CNTNAP2: variants seen among roughly 807,000 people sequenced by gnomAD.
CNTNAP2 encodes the protein contactin associated protein 2.
Under a neutral mutation model 155.2 loss-of-function variants are expected in CNTNAP2, and 98 were observed. That is an observed-to-expected ratio of 0.63 (90% CI 0.54 to 0.75). CNTNAP2 has a LOEUF of 0.75. CNTNAP2 is among the 30% of genes least tolerant of loss of function. The pLI is 0.00. For missense variants in CNTNAP2, 1,727 were observed against 1,688.1 expected (o/e 1.02, Z -0.40); for synonymous variants, 651 against 631.2 (o/e 1.03, Z -0.47).
chr7:146,600,225 G>T (rs1798929624), intron 1 of CNTNAP2, among the ~76,000 whole-genome samples: 1 of 152,064 alleles, frequency 6.6e-6, no homozygotes, highest in Non-Finnish European at 1.5e-5. Flanking sequence ...ACCTGGCTGT[G>T]CTAAGTAGCA....
chr7:146,832,405 C>T (rs1803530333), intron 2 of CNTNAP2, among the ~76,000 whole-genome samples: 1 of 150,924 alleles, frequency 6.6e-6, no homozygotes, highest in Non-Finnish European at 1.5e-5. Flanking sequence ...AATTTATCCC[C>T]AATATCTTTT....
At chr7:147,579,556 G>C (rs527960549) in intron 12 of CNTNAP2, among the ~76,000 whole-genome samples, 82 of 152,246 alleles carry the variant, frequency 5.4e-4, no homozygotes, top group African/African-American at 1.6e-3. Context: ...GCCAATTTCT[G>C]ATAGATAGTT....
At chr7:147,502,741 G>GTATATATATATATATATA (rs71183011) in intron 11 of CNTNAP2, among the ~76,000 whole-genome samples, 3 of 99,956 alleles carry the variant, frequency 3.0e-5, no homozygotes, top group Non-Finnish European at 6.1e-5. Flanking sequence ...GTGTGTGTGT[G>GTATATATATATATATATA]TATATATATA....
At position 147,132,322 on chromosome 7, in the gene CNTNAP2, C is replaced by T. The variant is rs755129419; in HGVS notation, c.1161C>T (p.Pro387=). The part of the protein sequence containing the change: ...FFNATSYLEV[P]GRLNQDLFSV... ...ACGCTACAAGTTACCTGGAGGTGCC[C>T]GGACGGCTTAACCAGGACCTGTTCT... Residue 387 remains proline (P), a synonymous_variant, in exon 8 of 24, where the codon CCC becomes CCT. Coordinates refer to ENST00000361727, the MANE Select transcript of CNTNAP2 (RefSeq NM_014141.6). The T allele has an allele frequency of 3.3e-5, 53 of 1,613,516 alleles. No individual in the cohort carries two copies. The highest frequency in any genetic ancestry group is 3.7e-5 in the Non-Finnish European group (44 of 1,179,790).
chr7:147,271,835 G>A (rs1239232116), intron 8 of CNTNAP2, among the ~76,000 whole-genome samples: 1 of 152,150 alleles, frequency 6.6e-6, no homozygotes, highest in Non-Finnish European at 1.5e-5. Context: ...TTTGGGTGGG[G>A]ACATAGCCAA....
At chr7:147,224,036 C>T (rs1305067968) in intron 8 of CNTNAP2, among the ~76,000 whole-genome samples, 1 of 63,620 alleles carries the variant, frequency 1.6e-5, no homozygotes, top group Admixed American at 1.8e-4. Context: ...CCCAAGGCCA[C>T]CTGGAGAACT....
chr7:146,961,059 C>A (rs1286079680), intron 3 of CNTNAP2, among the ~76,000 whole-genome samples: 2 of 152,204 alleles, frequency 1.3e-5, no homozygotes, highest in Non-Finnish European at 2.9e-5. Context: ...TAGACAATTA[C>A]ATTTATCATG....
intron 7 of CNTNAP2, among the ~76,000 whole-genome samples, chr7:147,130,844 T>C (rs1338905637): frequency 6.6e-6 from 1 of 152,036 alleles, no homozygotes; most frequent in Non-Finnish European, 1.5e-5. Flanking sequence ...AAAAGAGGTA[T>C]GTGGTCAGTT....
chr7:147,740,285 G>C (rs1156568641), intron 13 of CNTNAP2, among the ~76,000 whole-genome samples: 1 of 152,126 alleles, frequency 6.6e-6, no homozygotes, highest in African/African-American at 2.4e-5. Flanking sequence ...ATATCAAATT[G>C]TTTTTATTGA....
intron 3 of CNTNAP2, among the ~76,000 whole-genome samples, chr7:146,886,105 T>G (rs1385704684): frequency 6.6e-6 from 1 of 151,992 alleles, no homozygotes; most frequent in Non-Finnish European, 1.5e-5. Context: ...TGAAGGTTTA[T>G]TCACCCCTCA....
chr7:146,624,472 C>CTT (rs35364992), intron 1 of CNTNAP2, among the ~76,000 whole-genome samples: 8 of 151,690 alleles, frequency 5.3e-5, no homozygotes, highest in East Asian at 1.9e-4. Flanking sequence ...AGCATTATTA[C>CTT]TTTTTTTATC....
chr7:148,365,887 T>C (rs1407077386), intron 21 of CNTNAP2, among the ~76,000 whole-genome samples: 2 of 56,642 alleles, frequency 3.5e-5, no homozygotes, highest in Admixed American at 1.6e-4. Context: ...TGTATACATG[T>C]ATGTGTATGC....
At chr7:146,796,720 C>T (rs1311188239) in intron 2 of CNTNAP2, among the ~76,000 whole-genome samples, 1 of 152,096 alleles carries the variant, frequency 6.6e-6, no homozygotes, top group Non-Finnish European at 1.5e-5. Flanking sequence ...TGAAAATCAA[C>T]TTCCTTATCT....
intron 1 of CNTNAP2, among the ~76,000 whole-genome samples, chr7:146,379,755 T>C (rs1795355118): frequency 6.6e-6 from 1 of 152,166 alleles, no homozygotes; most frequent in Non-Finnish European, 1.5e-5. Context: ...TAGGATCACT[T>C]GGGATTCTTC....
chr7:146,854,003 A>G (rs1794930182), intron 3 of CNTNAP2, among the ~76,000 whole-genome samples: 1 of 152,236 alleles, frequency 6.6e-6, no homozygotes, highest in African/African-American at 2.4e-5. Flanking sequence ...GTGGGAACAC[A>G]TGAAAAGCCT....
At chr7:146,542,962 C>A (rs1797973319) in intron 1 of CNTNAP2, among the ~76,000 whole-genome samples, 1 of 151,552 alleles carries the variant, frequency 6.6e-6, no homozygotes, top group African/African-American at 2.4e-5. Flanking sequence ...AAATTTCAGT[C>A]AAATAAGAAG....
At chr7:148,175,862 CTCT>C (rs1794925394) in intron 18 of CNTNAP2, among the ~76,000 whole-genome samples, 1 of 152,116 alleles carries the variant, frequency 6.6e-6, no homozygotes, top group African/African-American at 2.4e-5. Context: ...TATCATCCTC[CTCT>C]TCTTCCCTTC....
At chr7:147,467,220 C>G (rs1231836726) in intron 10 of CNTNAP2, among the ~76,000 whole-genome samples, 1 of 152,100 alleles carries the variant, frequency 6.6e-6, no homozygotes, top group Non-Finnish European at 1.5e-5. Flanking sequence ...AAGAGACATC[C>G]CACTTCAAAT....
intron 14 of CNTNAP2, among the ~76,000 whole-genome samples, chr7:147,904,650 T>C (rs1338188848): frequency 6.6e-6 from 1 of 152,188 alleles, no homozygotes; most frequent in Non-Finnish European, 1.5e-5. Flanking sequence ...ATTCCACCAG[T>C]TAACCAAAAA....
Sources: allele counts gnomAD v4.1 joint callset (sites outside exome capture counted in the v4.1 genomes callset), GRCh38; gene constraint gnomAD v4.1.1; transcripts MANE v1.5; gene names NCBI Gene and HGNC (gene_info 2026-07-23, HGNC 2026-07-21).